Variants in STAB2 observed in about 807,000 individuals in gnomAD.
STAB2 encodes the protein stabilin-2.
STAB2 carries 288 observed loss-of-function variants against 338.1 expected under a neutral mutation model. That is an observed-to-expected ratio of 0.85 (90% confidence interval 0.77 to 0.94). The LOEUF is 0.94. Ranked by LOEUF, STAB2 falls within the 40% of genes least tolerant of loss-of-function variation. The pLI, the probability that STAB2 is intolerant of heterozygous loss-of-function variation, is 0.00. For synonymous variants in STAB2, 1,202 were observed against 1,193.3 expected, an observed-to-expected ratio of 1.01 and a Z score of -0.15; for missense variants, 3,141 against 3,210.1, an observed-to-expected ratio of 0.98 and a Z score of 0.52.
intron 6 of STAB2, among the ~76,000 whole-genome samples, chr12:103,636,190 A>C (rs185034016): frequency 0.01 from 1,433 of 137,776 alleles, 15 homozygotes; most frequent in East Asian, 0.032. Flanking sequence ...AATGCTATCC[A>C]TCCCCCCTCC....
chr12:103,651,377 A>C (rs917967364), intron 11 of STAB2, among the ~76,000 whole-genome samples: 7 of 147,694 alleles, frequency 4.7e-5, no homozygotes, highest in African/African-American at 1.8e-4. Context: ...GCAGTGGCGC[A>C]ATCTCGGCTC....
rs188336213 is a variant in STAB2 at position 103,588,823 on chromosome 12, G to A, written c.81+1266G>A. ...ATGTGAAGGTGTCCTGACAATTAAA[G>A]GAGGTTAATTCAAACTCTATCTAAG... On this transcript the variant is annotated intron_variant, in intron 1 of 68. Transcript: ENST00000388887. Among the ~76,000 whole-genome samples the A allele has an allele frequency of 2.3e-4, 35 of 152,258 alleles. No homozygotes were observed. The East Asian group carries it at 5.6e-3, about 24-fold the overall frequency.
Position 103,685,122 on chromosome 12 carries a change from A to G in STAB2, c.2997+38A>G, listed in dbSNP as rs374432516. 12 of 1,590,814 alleles carry G rather than the reference A, an allele frequency of 7.5e-6. No homozygotes were observed. The African/African-American group carries it at 1.6e-4, about 21-fold the overall frequency. On this transcript the variant is annotated intron_variant, in intron 27 of 68. Coordinates refer to ENST00000388887, the MANE Select transcript of STAB2 (RefSeq NM_017564.10). ...TGATGAACTCAATAATATAGACAAA[A>G]CCCTTTAAAAACCTCTTAGCTAAGA... is the stretch of plus-strand genomic sequence containing the variant.
At chr12:103,709,719 A>G (rs1429542224) in intron 39 of STAB2, among the ~76,000 whole-genome samples, 1 of 152,214 alleles carries the variant, frequency 6.6e-6, no homozygotes, top group African/African-American at 2.4e-5. Context: ...GGAAGTCTGA[A>G]TGGTCCCAAG....
Position 103,675,914 on chromosome 12 carries a change from A to G in STAB2, c.2553-14A>G. 1 of 1,600,966 alleles carries G rather than the reference A, an allele frequency of 6.2e-7. No individual in the cohort carries two copies. The highest frequency in any genetic ancestry group is 8.5e-7 in the Non-Finnish European group (1 of 1,173,670). On this transcript the variant is annotated splice_polypyrimidine_tract_variant and intron_variant, in intron 23 of 68. Transcript: ENST00000388887. ...GCTTATTCTGGGGCTGATATTGCAC[A>G]CTCTCCTTTGCAGTTGTATTTGCAA...
chr12:103,604,006 C>A (rs1308023689), intron 3 of STAB2, among the ~76,000 whole-genome samples: 1 of 151,954 alleles, frequency 6.6e-6, no homozygotes, highest in Non-Finnish European at 1.5e-5. Flanking sequence ...AATTTCAATC[C>A]CTAATTGTTC....
intron 45 of STAB2, 105 bp downstream of exon 45, chr12:103,725,199 A>G: frequency 4.7e-6 from 7 of 1,494,462 alleles, no homozygotes; most frequent in Non-Finnish European, 5.4e-6. Flanking sequence ...GTAAAGCGCT[A>G]TAAAAATATG....
intron 49 of STAB2, among the ~76,000 whole-genome samples, chr12:103,730,945 G>A (rs11612532): frequency 0.059 from 8,912 of 152,238 alleles, 341 homozygotes; most frequent in Non-Finnish European, 0.084. Flanking sequence ...AGCTACTTGG[G>A]AGGCTGAGGT....
At chr12:103,739,226 C>T (rs937767540) in intron 53 of STAB2, among the ~76,000 whole-genome samples, 186 bp from the exon 54 acceptor site, 1 of 151,804 alleles carries the variant, frequency 6.6e-6, no homozygotes, top group Non-Finnish European at 1.5e-5. Context: ...ATCTTTCTGC[C>T]TTGGCCTCCC....
At chr12:103,709,949 T>C (rs972229481) in intron 39 of STAB2, among the ~76,000 whole-genome samples, 1 of 152,106 alleles carries the variant, frequency 6.6e-6, no homozygotes, top group Admixed American at 6.5e-5. Flanking sequence ...TCTAGGAACC[T>C]CCCTACTCAG....
chr12:103,654,937 A>T, intron 13 of STAB2: 1 of 555,622 alleles, frequency 1.8e-6, no homozygotes. Flanking sequence ...TACCTCTTTT[A>T]TTACTGCATC....
chr12:103,680,010 T>A (rs188595661), intron 25 of STAB2, among the ~76,000 whole-genome samples: 87 of 152,198 alleles, frequency 5.7e-4, no homozygotes, highest in African/African-American at 2.0e-3. Context: ...TGTTGCTAAG[T>A]GAAATAAGCC....
In STAB2 at chr12:103,762,340, G is replaced by A; in HGVS notation, c.7426G>A (p.Ala2476Thr). 5 of 1,614,214 alleles carry A rather than the reference G, an allele frequency of 3.1e-6. No individual in the cohort carries two copies. Among genetic ancestry groups the A allele is most frequent in the East Asian group, 2.2e-5 (1 of 44,882 alleles). ...CATCATCCTGGTGACTGGGGCTGTT[G>A]CCTTGGCTGCTTACTCCTACTTTCG... The part of the protein sequence containing the change: ...FAIILVTGAV[A>T]LAAYSYFRIN... The change falls in exon 67 of 69, where the codon GCC becomes ACC. Residue 2476 changes from alanine to threonine, a missense_variant. Ala to Thr is a moderately conservative substitution (Grantham distance 58, BLOSUM62 0). Transcript: ENST00000388887.
intron 25 of STAB2, among the ~76,000 whole-genome samples, chr12:103,678,048 G>A (rs775381704): frequency 6.6e-6 from 1 of 152,122 alleles, no homozygotes; most frequent in Non-Finnish European, 1.5e-5. Context: ...TAGGATTGTG[G>A]CAATGGAAAA....
chr12:103,656,937 C>T (rs1006423059), intron 15 of STAB2, among the ~76,000 whole-genome samples: 1 of 151,814 alleles, frequency 6.6e-6, no homozygotes, highest in South Asian at 2.1e-4. Context: ...CCACCCGCCT[C>T]GGCCTCCCAA....
At chr12:103,753,424 T>C (rs749554672) in intron 61 of STAB2, 71 bp downstream of exon 61, 17 of 1,605,466 alleles carry the variant, frequency 1.1e-5, no homozygotes, top group Non-Finnish European at 1.4e-5. Context: ...TTTCTTAAGA[T>C]GGGGAAGACT....
rs1270383426 is a variant in STAB2, at chr12:103,713,704, C to T, written c.4473C>T (p.Thr1491=). 1.2e-6 allele frequency: 2 copies of T among 1,614,106 alleles called. No homozygotes were observed. The highest frequency in any genetic ancestry group is 1.7e-6 in the Non-Finnish European group (2 of 1,179,974). ...GCSAKADCKR[T]TPGRRVCTCK... ...CTGCCAAGGCTGACTGTAAGAGAACCACCCCAGGAAGGCGAGTGTGCACGT... is the reference window on the plus strand; with the variant it reads ...CTGCCAAGGCTGACTGTAAGAGAACTACCCCAGGAAGGCGAGTGTGCACGT... The change falls in exon 42 of 69, where the codon ACC becomes ACT. Residue 1491 remains threonine, a synonymous_variant. Transcript: ENST00000388887.
At chr12:103,758,393 T>A (rs1884292152) in intron 64 of STAB2, 104 bp downstream of exon 64, 5 of 1,550,764 alleles carry the variant, frequency 3.2e-6, no homozygotes, top group Non-Finnish European at 4.3e-6. Context: ...TACACATTTA[T>A]TTAGCTCACA....
In STAB2 at chr12:103,670,797, G is replaced by A. The variant is rs145220244; in HGVS notation, c.2361G>A (p.Arg787=). Residue 787 remains arginine, a synonymous_variant, in exon 22 of 69, where the codon CGG becomes CGA. Transcript: ENST00000388887. ...CTGATCCCAATAAATACGGACCTCG[G>A]TGTAACAAAAGTAAGTGGCACTTCC... ...FCSDPNKYGP[R]CNKKCLCVHG... 3.7e-6 allele frequency: 6 copies of A among 1,613,634 alleles called. No homozygotes were observed. Among genetic ancestry groups the A allele is most frequent in the Non-Finnish European group, 4.2e-6 (5 of 1,179,866 alleles).
Sources: gnomAD v4.1 joint callset for allele counts (sites outside exome capture counted in the v4.1 genomes callset) on GRCh38, gnomAD v4.1.1 for gene constraint, MANE v1.5 for transcripts, NCBI Gene and HGNC (gene_info 2026-07-23, HGNC 2026-07-21) for gene names.